Variants in GALNTL6 observed in about 807,000 individuals in gnomAD.
GALNTL6 encodes polypeptide N-acetylgalactosaminyltransferase-like 6.
GALNTL6 carries 46 observed loss-of-function variants against 73.7 expected under a neutral mutation model. The observed-to-expected ratio is 0.62, with a 90% CI of 0.49 to 0.80. GALNTL6 has a LOEUF of 0.80. Among genes scored for constraint, GALNTL6 ranks in the 30% least tolerant of loss-of-function variants. The pLI is 0.00. For synonymous variants in GALNTL6, 259 were observed against 263.7 expected (o/e 0.98, Z 0.17); for missense variants, 604 against 755.0 (o/e 0.80, Z 2.34).
intron 2 of GALNTL6, among the ~76,000 whole-genome samples, chr4:172,166,459 T>A (rs1734628637): frequency 6.6e-6 from 1 of 151,524 alleles, no homozygotes; most frequent in African/African-American, 2.4e-5. Flanking sequence ...AAAAAAAAAA[T>A]TGTATATGAT....
At chr4:172,812,639 A>G (rs1265201207) in intron 6 of GALNTL6, among the ~76,000 whole-genome samples, 1 of 152,010 alleles carries the variant, frequency 6.6e-6, no homozygotes, top group Non-Finnish European at 1.5e-5. Context: ...CTCTGCTACC[A>G]TGAGAAGCAC....
intron 10 of GALNTL6, among the ~76,000 whole-genome samples, chr4:172,999,604 C>T (rs1420494032): frequency 1.3e-5 from 2 of 152,100 alleles, no homozygotes; most frequent in African/African-American, 4.8e-5. Flanking sequence ...ATTTCTTACC[C>T]TGACCCATCT....
intron 5 of GALNTL6, among the ~76,000 whole-genome samples, chr4:172,409,856 A>C (rs1744370858): frequency 6.6e-6 from 1 of 152,048 alleles, no homozygotes; most frequent in Non-Finnish European, 1.5e-5. Flanking sequence ...ATTTTAACTG[A>C]AAAGAAAGAA....
At chr4:172,343,666 T>C (rs893492699) in intron 4 of GALNTL6, among the ~76,000 whole-genome samples, 1 of 152,072 alleles carries the variant, frequency 6.6e-6, no homozygotes, top group Admixed American at 6.5e-5. Context: ...AATGCCAATA[T>C]AAAAAATCAG....
At chr4:172,016,892 A>G (rs550214125) in intron 2 of GALNTL6, among the ~76,000 whole-genome samples, 2 of 151,878 alleles carry the variant, frequency 1.3e-5, no homozygotes, top group Non-Finnish European at 2.9e-5. Flanking sequence ...GCTTTCCCTC[A>G]TGCTTGGTTT....
intron 4 of GALNTL6, among the ~76,000 whole-genome samples, chr4:172,328,202 G>A (rs1055037308): frequency 6.6e-6 from 1 of 152,254 alleles, no homozygotes; most frequent in South Asian, 2.1e-4. Context: ...CTTTAAGAAT[G>A]TTGAATATAT....
intron 2 of GALNTL6, among the ~76,000 whole-genome samples, chr4:171,986,916 CA>C: frequency 6.6e-6 from 1 of 152,094 alleles, no homozygotes; most frequent in Non-Finnish European, 1.5e-5. Flanking sequence ...CAGGAGATAT[CA>C]GCTGTGATGG....
intron 2 of GALNTL6, among the ~76,000 whole-genome samples, chr4:172,015,066 C>T (rs1741143269): frequency 1.3e-5 from 2 of 152,114 alleles, no homozygotes; most frequent in South Asian, 4.2e-4. Flanking sequence ...TTTGTTAAGT[C>T]CATTTGTTTT....
At chr4:172,698,377 CT>C (rs1733816233) in intron 5 of GALNTL6, among the ~76,000 whole-genome samples, 1 of 152,130 alleles carries the variant, frequency 6.6e-6, no homozygotes, top group South Asian at 2.1e-4. Context: ...GTTTTGGCTC[CT>C]CCCATAGCCT....
intron 5 of GALNTL6, among the ~76,000 whole-genome samples, chr4:172,788,156 G>T (rs1272834919): frequency 1.3e-5 from 2 of 151,310 alleles, no homozygotes; most frequent in African/African-American, 2.4e-5. Flanking sequence ...GACCAGCCTG[G>T]GCAACACAGT....
At chr4:172,812,608 GA>G (rs375642954) in intron 6 of GALNTL6, among the ~76,000 whole-genome samples, 2,630 of 135,790 alleles carry the variant, frequency 0.019, 37 homozygotes, top group African/African-American at 0.036. Context: ...TGTTGGAACT[GA>G]AAAAAAAAAA....
At chr4:172,830,167 A>G (rs924685658) in intron 7 of GALNTL6, among the ~76,000 whole-genome samples, 1 of 152,240 alleles carries the variant, frequency 6.6e-6, no homozygotes, top group African/African-American at 2.4e-5. Context: ...AATTTTTCCT[A>G]AAGATGCTCT....
intron 2 of GALNTL6, among the ~76,000 whole-genome samples, chr4:172,078,874 AAAC>A (rs909180496): frequency 1.2e-4 from 19 of 152,294 alleles, no homozygotes; most frequent in Admixed American, 9.2e-4. Context: ...AAACTTTATA[AAAC>A]AAATGAGGTT....
At chr4:172,449,238 C>T (rs1365336676) in intron 5 of GALNTL6, among the ~76,000 whole-genome samples, 1 of 152,124 alleles carries the variant, frequency 6.6e-6, no homozygotes, top group Non-Finnish European at 1.5e-5. Context: ...TACCTCTTAC[C>T]TTCCTACCAG....
chr4:172,590,664 T>A (rs1159274484), intron 5 of GALNTL6, among the ~76,000 whole-genome samples: 1 of 152,200 alleles, frequency 6.6e-6, no homozygotes, highest in East Asian at 1.9e-4. Context: ...CGGTTAAGTT[T>A]TCAGTCATAC....
At chr4:172,731,686 T>C (rs377609397) in intron 5 of GALNTL6, among the ~76,000 whole-genome samples, 2 of 152,094 alleles carry the variant, frequency 1.3e-5, no homozygotes, top group Admixed American at 6.5e-5. Context: ...CATTTATTGC[T>C]ATAAACCTTC....
chr4:171,979,910 G>A (rs147205384), intron 2 of GALNTL6, among the ~76,000 whole-genome samples: 50 of 152,212 alleles, frequency 3.3e-4, no homozygotes, highest in Middle Eastern at 3.4e-3. Context: ...CATCTAGATA[G>A]AGAGGGTCAA....
At chr4:172,561,273 A>AT (rs1406864326) in intron 5 of GALNTL6, among the ~76,000 whole-genome samples, 2 of 150,962 alleles carry the variant, frequency 1.3e-5, no homozygotes, top group Non-Finnish European at 3.0e-5. Flanking sequence ...AAAAAAAAAA[A>AT]AAAAAAAAAA....
intron 5 of GALNTL6, among the ~76,000 whole-genome samples, chr4:172,482,112 C>G (rs141203975): frequency 6.6e-6 from 1 of 152,138 alleles, no homozygotes; most frequent in African/African-American, 2.4e-5. Context: ...GCTGCTGGCC[C>G]GGGTGCTAAG....
Sources: gnomAD v4.1 joint callset for allele counts (sites outside exome capture counted in the v4.1 genomes callset) on GRCh38, gnomAD v4.1.1 for gene constraint, MANE v1.5 for transcripts, NCBI Gene and HGNC (gene_info 2026-07-23, HGNC 2026-07-21) for gene names.